Variants in ASTN2 observed in about 807,000 individuals in gnomAD.
ASTN2 encodes astrotactin-2.
Under a neutral mutation model 139.8 loss-of-function variants are expected in ASTN2, and 54 were observed. The ratio of observed to expected loss-of-function variants is 0.39; its 90% CI spans 0.31 to 0.48. The LOEUF (loss-of-function observed/expected upper bound fraction) is 0.48, where lower values mean the gene tolerates loss of function less well. Ranked by LOEUF, ASTN2 falls within the 20% of genes least tolerant of loss-of-function variation. The pLI, the probability that ASTN2 is intolerant of heterozygous loss-of-function variation, is 0.95. For synonymous variants in ASTN2, 756 were observed against 719.5 expected (o/e 1.05, Z -0.81); for missense variants, 1,565 against 1,725.1 (o/e 0.91, Z 1.64).
intron 16 of ASTN2, among the ~76,000 whole-genome samples, chr9:116,693,015 C>T (rs117078203): frequency 8.5e-5 from 13 of 152,222 alleles, no homozygotes; most frequent in South Asian, 4.2e-4. Context: ...AACTGACCAG[C>T]CCTTTTATTA....
At chr9:116,955,453 G>A (rs529810354) in intron 10 of ASTN2, among the ~76,000 whole-genome samples, 1 of 152,310 alleles carries the variant, frequency 6.6e-6, no homozygotes, top group South Asian at 2.1e-4. Flanking sequence ...ATATTGCATA[G>A]CTATTGGCTT....
chr9:116,714,025 A>G (rs1169332534), intron 16 of ASTN2, among the ~76,000 whole-genome samples: 1 of 152,218 alleles, frequency 6.6e-6, no homozygotes, highest in Non-Finnish European at 1.5e-5. Context: ...AGACAATATG[A>G]GATCATGTGA....
At chr9:116,871,546 T>A (rs1833166845) in intron 10 of ASTN2, among the ~76,000 whole-genome samples, 1 of 152,204 alleles carries the variant, frequency 6.6e-6, no homozygotes, top group South Asian at 2.1e-4. Context: ...ACACTTCATG[T>A]AAATTAAGTT....
intron 1 of ASTN2, among the ~76,000 whole-genome samples, chr9:117,333,567 T>A (rs911897144): frequency 6.6e-6 from 1 of 152,198 alleles, no homozygotes; most frequent in African/African-American, 2.4e-5. Flanking sequence ...AGTTTTTAAA[T>A]TATATTTTAG....
chr9:117,389,006 T>G (rs1330581218), intron 1 of ASTN2, among the ~76,000 whole-genome samples: 1 of 152,186 alleles, frequency 6.6e-6, no homozygotes, highest in Non-Finnish European at 1.5e-5. Flanking sequence ...GATGAATGTT[T>G]AACTAATCCT....
At position 117,220,410 on chromosome 9, in the gene ASTN2, C is replaced by T. The variant is rs548536143; in HGVS notation, c.631-5668G>A. 4.4e-4 allele frequency among the ~76,000 whole-genome samples: 67 copies of T among 152,238 alleles called. 1 individual carries two copies. The South Asian group carries it at 0.012, about 27-fold the overall frequency. On this transcript the variant is annotated intron_variant, in intron 2 of 22. Transcript: ENST00000313400. ...CTCTCTATCCCCTCAGCCTGAAGCA[C>T]CCTCTCACTCACTCGACCTGGAATC...
chr9:116,474,489 C>T (rs975168902), intron 20 of ASTN2, among the ~76,000 whole-genome samples: 2 of 152,114 alleles, frequency 1.3e-5, no homozygotes, highest in East Asian at 3.9e-4. Flanking sequence ...TTCCGTCTCA[C>T]CTCTGACTCT....
At chr9:117,245,737 C>G (rs900596679) in intron 2 of ASTN2, among the ~76,000 whole-genome samples, 1 of 152,192 alleles carries the variant, frequency 6.6e-6, no homozygotes, top group Non-Finnish European at 1.5e-5. Flanking sequence ...TACTTCTGCC[C>G]CCTGGTATCT....
chr9:116,509,716 T>C (rs1332829108), intron 19 of ASTN2, among the ~76,000 whole-genome samples: 11 of 152,142 alleles, frequency 7.2e-5, no homozygotes, highest in Admixed American at 7.2e-4. Context: ...TGGTGTGAGA[T>C]GGTATCTCAT....
At chr9:116,542,110 T>C (rs1851900840) in intron 19 of ASTN2, among the ~76,000 whole-genome samples, 1 of 152,244 alleles carries the variant, frequency 6.6e-6, no homozygotes, top group African/African-American at 2.4e-5. Flanking sequence ...TTTTCTGCAA[T>C]AGTAATATTT....
chr9:116,477,607 AAAG>A (rs771030463), intron 20 of ASTN2, among the ~76,000 whole-genome samples: 1 of 152,024 alleles, frequency 6.6e-6, no homozygotes, highest in Non-Finnish European at 1.5e-5. Context: ...CAGGAGGATA[AAAG>A]AAGAGCGACC....
intron 13 of ASTN2, among the ~76,000 whole-genome samples, chr9:116,801,174 G>A (rs1830835510): frequency 6.6e-6 from 1 of 152,180 alleles, no homozygotes; most frequent in Non-Finnish European, 1.5e-5. Context: ...GTAGTAGGAG[G>A]AGAGAAATGA....
chr9:117,346,867 C>A (rs1829236283), intron 1 of ASTN2, among the ~76,000 whole-genome samples: 2 of 152,056 alleles, frequency 1.3e-5, no homozygotes, highest in African/African-American at 4.8e-5. Context: ...AATGGGGGCC[C>A]TAATACCTAT....
intron 3 of ASTN2, among the ~76,000 whole-genome samples, chr9:117,204,594 G>A (rs535319020): frequency 1.6e-4 from 24 of 152,288 alleles, no homozygotes; most frequent in Middle Eastern, 3.4e-3. Flanking sequence ...CCAGCTTTAA[G>A]AGCTGGAAGA....
chr9:116,838,101 G>GTTTTTTTTTTTTTTTTTTTTTTTTTTT lies in ASTN2; in HGVS notation c.2041-17319_2041-17318insAAAAAAAAAAAAAAAAAAAAAAAAAAA, dbSNP rs752512675. On this transcript the variant is annotated intron_variant, in intron 11 of 22. Coordinates refer to ENST00000313400, the MANE Select transcript of ASTN2 (RefSeq NM_001365068.1). ...CTGGATTCCAGTTCTGCCTGGCTGT[G>GTTTTTTTTTTTTTTTTTTTTTTTTTTT]TTTTTTTTTGTTTTGTTTTGTTTTT... 1.5e-5 allele frequency among the ~76,000 whole-genome samples: 2 copies of GTTTTTTTTTTTTTTTTTTTTTTTTTTT among 134,138 alleles called. 1 individual carries two copies. Among genetic ancestry groups the GTTTTTTTTTTTTTTTTTTTTTTTTTTT allele is most frequent in the Non-Finnish European group, 3.1e-5 (2 of 64,396 alleles). 88.0% of individuals were successfully genotyped at this position (134,138 alleles called of 152,430 possible). A position where few individuals can be genotyped will look rare whatever the true frequency, so the allele number is the denominator to read the frequency against.
chr9:116,529,964 A>G (rs1483630446), intron 19 of ASTN2, among the ~76,000 whole-genome samples: 1 of 151,596 alleles, frequency 6.6e-6, no homozygotes, highest in African/African-American at 2.4e-5. Flanking sequence ...AATACAGTAT[A>G]TATTCAAAAG....
Position 117,302,564 on chromosome 9 carries a change from C to T in ASTN2, c.443-11051G>A, listed in dbSNP as rs558836337. Among the ~76,000 whole-genome samples the T allele has an allele frequency of 7.2e-5, 11 of 152,246 alleles. No individual in the cohort carries two copies. The South Asian group carries it at 2.1e-3, about 29-fold the overall frequency. ...TCTCCTGAAGATGCTGCCAAGAGGGCATCTTAAGTCTCTGTTTCTAAGTCT... is the reference window on the plus strand; with the variant it reads ...TCTCCTGAAGATGCTGCCAAGAGGGTATCTTAAGTCTCTGTTTCTAAGTCT... On this transcript the variant is annotated intron_variant, in intron 1 of 22. Transcript: ENST00000313400.
intron 1 of ASTN2, among the ~76,000 whole-genome samples, chr9:117,344,391 C>T (rs1049745785): frequency 2.6e-5 from 4 of 152,054 alleles, no homozygotes; most frequent in East Asian, 1.9e-4. Flanking sequence ...AGTCCAGGTC[C>T]CCAAAGACCC....
intron 10 of ASTN2, among the ~76,000 whole-genome samples, chr9:116,936,949 T>A (rs1264425507): frequency 1.3e-5 from 2 of 152,180 alleles, no homozygotes; most frequent in African/African-American, 4.8e-5. Context: ...AACATAGGAC[T>A]CTAGGGCCTT....
Sources: allele counts gnomAD v4.1 joint callset (sites outside exome capture counted in the v4.1 genomes callset), GRCh38; gene constraint gnomAD v4.1.1; transcripts MANE v1.5; gene names NCBI Gene and HGNC (gene_info 2026-07-23, HGNC 2026-07-21).